CNTNAP3B: variants seen among roughly 807,000 people sequenced by gnomAD.
CNTNAP3B encodes contactin associated protein family member 3B.
In CNTNAP3B, 25 loss-of-function variants were observed where a neutral mutation model predicts 108.9. The observed-to-expected ratio is 0.23, with a 90% CI of 0.17 to 0.32. The LOEUF (loss-of-function observed/expected upper bound fraction) is 0.32. Among genes scored for constraint, CNTNAP3B ranks in the 10% least tolerant of loss-of-function variants. The probability of loss-of-function intolerance (pLI) is 1.00; values close to 1 mark genes in which losing one functional copy is unlikely to be tolerated. For missense variants in CNTNAP3B, 252 were observed against 1,210.4 expected (o/e 0.21, Z 11.75); for synonymous variants, 103 against 473.4 (o/e 0.22, Z 10.16).
chr9:42,018,829 C>T (rs1214149988), intron 3 of CNTNAP3B, among the ~76,000 whole-genome samples: 1 of 151,890 alleles, frequency 6.6e-6, no homozygotes, highest in Non-Finnish European at 1.5e-5. Context: ...CATGCGGAGC[C>T]TTCCCCTCTG....
Position 42,121,218 on chromosome 9 carries a change from C to T in CNTNAP3B, c.85+7792G>A. 2.2e-5 allele frequency among the ~76,000 whole-genome samples: 3 copies of T among 138,596 alleles called. 1 individual carries two copies. The highest frequency in any genetic ancestry group is 2.3e-4 in the South Asian group (1 of 4,274). The allele number at this position is 138,596 out of a possible 152,430, so 90.9% of individuals were successfully genotyped here. A position where few individuals can be genotyped will look rare whatever the true frequency, so the allele number is the denominator to read the frequency against. The stretch of plus-strand genomic sequence containing the variant: ...TTCTACCGGCTTCCTGAGAGCTTCC[C>T]AGGGAGTTCACGCCCCAGTTGCTCA... On this transcript the variant is annotated intron_variant, in intron 1 of 23. Coordinates refer to ENST00000377561, the MANE Select transcript of CNTNAP3B (RefSeq NM_001201380.3).
chr9:42,036,465 A>T (rs1206753876), intron 3 of CNTNAP3B, among the ~76,000 whole-genome samples: 4 of 138,956 alleles, frequency 2.9e-5, no homozygotes, highest in Admixed American at 2.2e-4. Context: ...ATACTTTTTA[A>T]GATCGAACTG....
In CNTNAP3B at chr9:41,925,320, G is replaced by A. The variant is rs1243026788; in HGVS notation, c.2366-1227C>T. Among the ~76,000 whole-genome samples the A allele has an allele frequency of 5.3e-5, 8 of 152,236 alleles. No homozygotes were observed. The East Asian group carries it at 9.6e-4, about 18-fold the overall frequency. ...TAGAAATAGCTTTTCTCGGCTAGGC[G>A]CAGTGGCTCACGCCTGTAATCCCAG... On this transcript the variant is annotated intron_variant, in intron 15 of 23. Transcript: ENST00000377561.
rs1304420468 is a variant in CNTNAP3B, at chr9:41,990,250, A to C, written c.1333+1360T>G. On this transcript the variant is annotated intron_variant, in intron 8 of 23. Coordinates refer to ENST00000377561, the MANE Select transcript of CNTNAP3B (RefSeq NM_001201380.3). ...CACTGGTTCTCTCATCAATGAGTTA[A>C]AGAAAATCTCTGACATGTGTTCATT... Among the ~76,000 whole-genome samples, 2 of 136,522 alleles carry C rather than the reference A, an allele frequency of 1.5e-5. 1 individual carries two copies. The highest frequency in any genetic ancestry group is 5.9e-5 in the African/African-American group (2 of 34,148). 89.6% of individuals were successfully genotyped at this position (136,522 alleles called of 152,430 possible).
rs1828638563 is a variant in CNTNAP3B at position 42,129,272 on chromosome 9, C to T, written c.-178G>A. 9 of 863,706 alleles carry T rather than the reference C, an allele frequency of 1.0e-5. No homozygotes were observed. Among genetic ancestry groups the T allele is most frequent in the Non-Finnish European group, 1.4e-5 (9 of 664,154 alleles). 53.5% of individuals were successfully genotyped at this position (863,706 alleles called of 1,614,324 possible). Reference sequence around the variant, plus strand: ...TGGCAGCCTCCCTCGGCGCTGCAGACCCTCCCGCCAAGCCGCGCCCGGCCC... The same window carrying T: ...TGGCAGCCTCCCTCGGCGCTGCAGATCCTCCCGCCAAGCCGCGCCCGGCCC... On this transcript the variant is annotated 5_prime_UTR_variant, in exon 1 of 24. Transcript: ENST00000377561.
intron 10 of CNTNAP3B, among the ~76,000 whole-genome samples, chr9:41,969,003 A>G (rs1334750586): frequency 1.3e-5 from 2 of 152,266 alleles, no homozygotes; most frequent in Admixed American, 6.5e-5. Context: ...TCACCATGTT[A>G]GCCAGGATGG....
chr9:42,044,271 T>G (rs1199318568), intron 3 of CNTNAP3B, among the ~76,000 whole-genome samples: 1 of 151,368 alleles, frequency 6.6e-6, no homozygotes, highest in Non-Finnish European at 1.5e-5. Flanking sequence ...ATCACAGGTG[T>G]GTATGTATAA....
chr9:42,050,090 T>C (rs1247675047), intron 3 of CNTNAP3B, among the ~76,000 whole-genome samples: 16 of 49,764 alleles, frequency 3.2e-4, no homozygotes, highest in Non-Finnish European at 2.4e-4. Context: ...TCTGCCTGCC[T>C]CAGCCTACCA....
At chr9:41,920,708 ATG>A (rs1469164517) in intron 17 of CNTNAP3B, among the ~76,000 whole-genome samples, 2 of 152,308 alleles carry the variant, frequency 1.3e-5, no homozygotes, top group African/African-American at 2.4e-5. Flanking sequence ...ATGAATAAGA[ATG>A]TGCATTATAA....
intron 3 of CNTNAP3B, among the ~76,000 whole-genome samples, chr9:42,070,735 C>G (rs1208402130): frequency 1.3e-5 from 2 of 152,164 alleles, no homozygotes; most frequent in Admixed American, 6.5e-5. Flanking sequence ...ATCGGCAGAT[C>G]TCCAACCTCT....
chr9:41,931,222 T>C (rs1823968855), intron 14 of CNTNAP3B, among the ~76,000 whole-genome samples: 1 of 152,286 alleles, frequency 6.6e-6, no homozygotes, highest in African/African-American at 2.4e-5. Context: ...GTACATATAC[T>C]GGGGGCACAT....
At chr9:41,940,022 C>A (rs577145642) in intron 13 of CNTNAP3B, among the ~76,000 whole-genome samples, 1 of 152,300 alleles carries the variant, frequency 6.6e-6, no homozygotes, top group Non-Finnish European at 1.5e-5. Context: ...TGAAAAGACA[C>A]AGGACAGAAT....
intron 1 of CNTNAP3B, among the ~76,000 whole-genome samples, chr9:42,110,368 A>G (rs1298337129): frequency 2.9e-5 from 4 of 136,964 alleles, no homozygotes; most frequent in Non-Finnish European, 6.2e-5. Context: ...GTGTCGGCGG[A>G]ACCTAAGGAT....
chr9:41,959,993 T>C (rs1421459045), intron 12 of CNTNAP3B: 1 of 151,128 alleles, frequency 6.6e-6, no homozygotes, highest in East Asian at 1.9e-4. Context: ...ATTTCTTTTT[T>C]TCCTTTTTTT....
intron 2 of CNTNAP3B, among the ~76,000 whole-genome samples, chr9:42,078,895 C>T (rs62553560): frequency 0.01 from 1,583 of 151,072 alleles, no homozygotes; most frequent in South Asian, 0.039. Flanking sequence ...CAGAATTCCA[C>T]GTACCCACTT....
chr9:41,968,575 C>T (rs1295070857), intron 10 of CNTNAP3B, among the ~76,000 whole-genome samples: 2 of 143,668 alleles, frequency 1.4e-5, no homozygotes, highest in East Asian at 2.0e-4. Flanking sequence ...ACAGAATGTT[C>T]ACAGGGGGAA....
chr9:42,036,929 C>A (rs1214839457), intron 3 of CNTNAP3B, among the ~76,000 whole-genome samples: 1 of 136,058 alleles, frequency 7.3e-6, no homozygotes, highest in African/African-American at 3.0e-5. Context: ...GATACCCAGG[C>A]AAACAGGGTC....
In CNTNAP3B at chr9:42,056,412, G is replaced by A. The variant is rs564464148; in HGVS notation, c.390+20457C>T. Among the ~76,000 whole-genome samples the A allele has an allele frequency of 3.6e-3, 501 of 138,656 alleles. 26 individuals carry two copies. The highest frequency in any genetic ancestry group is 0.011 in the Middle Eastern group (3 of 278). 91.0% of individuals were successfully genotyped at this position (138,656 alleles called of 152,430 possible). The stretch of plus-strand genomic sequence containing the variant: ...GTCGCCCAGGCTGGAGTGCAGTGGC[G>A]CAATCTTGGCTCACTGCAAGCTCCA... On this transcript the variant is annotated intron_variant, in intron 3 of 23. Coordinates refer to ENST00000377561, the MANE Select transcript of CNTNAP3B (RefSeq NM_001201380.3).
intron 14 of CNTNAP3B, among the ~76,000 whole-genome samples, chr9:41,937,112 AAT>A (rs1366061340): frequency 0.11 from 13,712 of 127,904 alleles, 235 homozygotes; most frequent in East Asian, 0.14. Flanking sequence ...TTTATTTATT[AAT>A]TTATTATTAT....
Sources: allele counts gnomAD v4.1 joint callset (sites outside exome capture counted in the v4.1 genomes callset), GRCh38; gene constraint gnomAD v4.1.1; transcripts MANE v1.5; gene names NCBI Gene and HGNC (gene_info 2026-07-23, HGNC 2026-07-21).